PTPRD: variants seen among roughly 807,000 people sequenced by gnomAD.
PTPRD encodes the protein protein tyrosine phosphatase receptor type D.
A neutral mutation model predicts 214.5 loss-of-function variants in PTPRD; 34 were observed. The ratio of observed to expected loss-of-function variants is 0.16; its 90% CI spans 0.12 to 0.21. The LOEUF is 0.21. Ranked by LOEUF, PTPRD falls within the 10% of genes least tolerant of loss-of-function variation. The probability of loss-of-function intolerance (pLI) is 1.00; values close to 1 mark genes in which losing one functional copy is unlikely to be tolerated. For synonymous variants in PTPRD, 1,128 were observed against 845.7 expected (o/e 1.33, Z -5.79); for missense variants, 2,545 against 2,398.7 (o/e 1.06, Z -1.27).
At chr9:9,576,202 A>T (rs2088709632) in intron 7 of PTPRD, among the ~76,000 whole-genome samples, 1 of 152,146 alleles carries the variant, frequency 6.6e-6, no homozygotes, top group Non-Finnish European at 1.5e-5. Context: ...AGTTTATATA[A>T]CTTCATTTAT....
chr9:10,591,745 G>A (rs1167975219), intron 2 of PTPRD, among the ~76,000 whole-genome samples: 1 of 151,692 alleles, frequency 6.6e-6, no homozygotes, highest in Non-Finnish European at 1.5e-5. Flanking sequence ...ACTGTGCTTA[G>A]TGACTCAATT....
intron 10 of PTPRD, among the ~76,000 whole-genome samples, chr9:9,146,549 T>C (rs907549737): frequency 2.6e-5 from 4 of 152,110 alleles, no homozygotes; most frequent in African/African-American, 9.7e-5. Flanking sequence ...TTAGGGCTTA[T>C]AGTCACCATG....
At chr9:9,884,944 T>A (rs967727544) in intron 5 of PTPRD, among the ~76,000 whole-genome samples, 1 of 152,104 alleles carries the variant, frequency 6.6e-6, no homozygotes, top group Non-Finnish European at 1.5e-5. Context: ...GTCTCATGTA[T>A]GTCTTTATTA....
intron 7 of PTPRD, among the ~76,000 whole-genome samples, chr9:9,634,836 G>C (rs758897254): frequency 1.3e-5 from 2 of 152,162 alleles, no homozygotes; most frequent in African/African-American, 4.8e-5. Flanking sequence ...AATTCCCACA[G>C]AGCAGGGATT....
chr9:10,484,640 G>A (rs1438299431), intron 2 of PTPRD, among the ~76,000 whole-genome samples: 1 of 152,000 alleles, frequency 6.6e-6, no homozygotes, highest in Admixed American at 6.6e-5. Context: ...GATGATCAAT[G>A]ATTTGGAGCA....
intron 6 of PTPRD, among the ~76,000 whole-genome samples, chr9:9,766,271 G>T (rs1393225690): frequency 6.6e-6 from 1 of 152,012 alleles, no homozygotes; most frequent in East Asian, 1.9e-4. Context: ...AACAGGCATT[G>T]TGTATTAACC....
intron 11 of PTPRD, among the ~76,000 whole-genome samples, chr9:8,775,325 G>A (rs1419404311): frequency 6.6e-6 from 1 of 152,104 alleles, no homozygotes; most frequent in Non-Finnish European, 1.5e-5. Flanking sequence ...TGTTGCCTAA[G>A]CTTTCATGCT....
At chr9:9,518,888 C>G (rs917843117) in intron 8 of PTPRD, among the ~76,000 whole-genome samples, 1 of 151,960 alleles carries the variant, frequency 6.6e-6, no homozygotes, top group Non-Finnish European at 1.5e-5. Flanking sequence ...ATGTCCCTCC[C>G]TTGATTAATT....
At chr9:8,354,831 TATCA>T (rs1177376559) in intron 39 of PTPRD, among the ~76,000 whole-genome samples, 2 of 152,204 alleles carry the variant, frequency 1.3e-5, no homozygotes, top group East Asian at 3.9e-4. Flanking sequence ...TCCACGATTC[TATCA>T]ATCAATTTAG....
rs550024356 is a variant in PTPRD at position 8,887,179 on chromosome 9, C to T, written c.-104+131518G>A. ...GGCTTTTGAACCCAGGTTTGTCAGA[C>T]TCCATAACGCATGCTATTAACCATT... On this transcript the variant is annotated intron_variant, in intron 11 of 45. Transcript: ENST00000381196. 3.3e-5 allele frequency among the ~76,000 whole-genome samples: 5 copies of T among 152,278 alleles called. No homozygotes were observed. In the South Asian group the frequency reaches 1.0e-3, roughly 32 times the overall value.
chr9:9,249,701 G>C (rs1289257397), intron 9 of PTPRD, among the ~76,000 whole-genome samples: 1 of 152,040 alleles, frequency 6.6e-6, no homozygotes, highest in East Asian at 1.9e-4. Flanking sequence ...GTAGAAGTGA[G>C]CTTCCACGGT....
At chr9:10,339,476 G>A (rs10809069) in intron 3 of PTPRD, among the ~76,000 whole-genome samples, 5,351 of 151,688 alleles carry the variant, frequency 0.035, 132 homozygotes, top group South Asian at 0.093. Context: ...CACTCTGAAA[G>A]ACTTCTTATC....
intron 39 of PTPRD, among the ~76,000 whole-genome samples, chr9:8,361,999 G>A (rs990638230): frequency 3.9e-5 from 6 of 152,210 alleles, no homozygotes; most frequent in African/African-American, 7.2e-5. Context: ...AGAAAACCAT[G>A]TGACTTGATG....
At chr9:9,732,662 C>A (rs1450596169) in intron 7 of PTPRD, among the ~76,000 whole-genome samples, 1 of 152,048 alleles carries the variant, frequency 6.6e-6, no homozygotes, top group Non-Finnish European at 1.5e-5. Context: ...CCTAAAATAC[C>A]CCAGTTCCTC....
chr9:10,268,869 C>G (rs192248274), intron 3 of PTPRD, among the ~76,000 whole-genome samples: 163 of 152,312 alleles, frequency 1.1e-3, no homozygotes, highest in African/African-American at 3.8e-3. Flanking sequence ...ATTCGCCCAT[C>G]TAGGGCAGGG....
intron 2 of PTPRD, among the ~76,000 whole-genome samples, chr9:10,546,019 A>T (rs1390585973): frequency 4.6e-5 from 7 of 151,976 alleles, no homozygotes; most frequent in Non-Finnish European, 1.5e-5. Flanking sequence ...CATTTTTTTT[A>T]AAACCCTGAA....
At chr9:10,188,989 T>C (rs143262513) in intron 3 of PTPRD, among the ~76,000 whole-genome samples, 36 of 152,292 alleles carry the variant, frequency 2.4e-4, no homozygotes, top group African/African-American at 8.4e-4. Flanking sequence ...TAGTCTTACA[T>C]GTAGGGTATT....
intron 7 of PTPRD, among the ~76,000 whole-genome samples, chr9:9,608,846 G>C (rs916897129): frequency 6.6e-6 from 1 of 152,114 alleles, no homozygotes; most frequent in Admixed American, 6.5e-5. Context: ...TTACTTCTAA[G>C]AATTACCTTC....
chr9:10,334,431 C>A (rs1370853900), intron 3 of PTPRD, among the ~76,000 whole-genome samples: 1 of 151,418 alleles, frequency 6.6e-6, no homozygotes, highest in Non-Finnish European at 1.5e-5. Flanking sequence ...TCCCACCCCC[C>A]ACCACCAAAA....
Sources: gnomAD v4.1 joint callset for allele counts (sites outside exome capture counted in the v4.1 genomes callset) on GRCh38, gnomAD v4.1.1 for gene constraint, MANE v1.5 for transcripts, NCBI Gene and HGNC (gene_info 2026-07-23, HGNC 2026-07-21) for gene names.